The following ADK variants were observed in gnomAD, a reference collection of about 807,000 sequenced individuals.
ADK encodes the protein N6,N6-dimethyladenosine kinase.
Under a neutral mutation model 44.7 loss-of-function variants are expected in ADK, and 24 were observed. The observed-to-expected ratio is 0.54, with a 90% CI of 0.39 to 0.76. ADK has a LOEUF of 0.76. Ranked by LOEUF, ADK falls within the 30% of genes least tolerant of loss-of-function variation. ADK has a pLI of 0.00. For missense variants in ADK, 321 were observed against 425.1 expected (o/e 0.76, Z 2.15); for synonymous variants, 128 against 142.6 (o/e 0.90, Z 0.73).
intron 9 of ADK, among the ~76,000 whole-genome samples, chr10:74,634,394 A>G (rs919186963): frequency 1.3e-5 from 2 of 151,686 alleles, no homozygotes; most frequent in African/African-American, 2.4e-5. Context: ...TTGTTTTTCT[A>G]TTTTTAGTGG....
chr10:74,353,839 G>A (rs185584359), intron 4 of ADK, among the ~76,000 whole-genome samples: 5 of 152,154 alleles, frequency 3.3e-5, no homozygotes, highest in Admixed American at 2.6e-4. Flanking sequence ...CTGCACTCCA[G>A]CTCTGGCGAC....
intron 6 of ADK, among the ~76,000 whole-genome samples, chr10:74,480,363 G>A (rs898469743): frequency 2.0e-5 from 3 of 151,572 alleles, no homozygotes; most frequent in African/African-American, 7.3e-5. Context: ...TGAGTAGCTG[G>A]GACTACAGGC....
intron 8 of ADK, among the ~76,000 whole-genome samples, chr10:74,591,328 A>G (rs532370065): frequency 1.3e-5 from 2 of 152,230 alleles, no homozygotes; most frequent in South Asian, 4.2e-4. Flanking sequence ...ATACCTTATT[A>G]CCTCCTGACA....
At chr10:74,669,608 A>C (rs1855097710) in intron 9 of ADK, among the ~76,000 whole-genome samples, 1 of 152,212 alleles carries the variant, frequency 6.6e-6, no homozygotes. Context: ...AAACATAACC[A>C]GATTAGGTTA....
At chr10:74,286,035 C>T (rs1395922480) in intron 3 of ADK, among the ~76,000 whole-genome samples, 2 of 152,044 alleles carry the variant, frequency 1.3e-5, no homozygotes, top group Admixed American at 1.3e-4. Flanking sequence ...TAAATGATTT[C>T]CCATTTATTT....
chr10:74,381,913 TTATAAAGTG>T (rs1426142117), intron 4 of ADK, among the ~76,000 whole-genome samples: 1 of 152,194 alleles, frequency 6.6e-6, no homozygotes, highest in Non-Finnish European at 1.5e-5. Flanking sequence ...ATTTTGCTTT[TTATAAAGTG>T]TATACTAGAA....
At chr10:74,479,347 G>A (rs1173174125) in intron 6 of ADK, among the ~76,000 whole-genome samples, 2 of 149,458 alleles carry the variant, frequency 1.3e-5, no homozygotes, top group African/African-American at 4.9e-5. Flanking sequence ...ATTCCCACTG[G>A]CCTGGTTTAT....
At chr10:74,507,389 G>A (rs1231639582) in intron 6 of ADK, among the ~76,000 whole-genome samples, 1 of 152,100 alleles carries the variant, frequency 6.6e-6, no homozygotes, top group Non-Finnish European at 1.5e-5. Context: ...GAGGTGGACA[G>A]ATCGCTTGAG....
At chr10:74,501,295 A>T (rs1466266848) in intron 6 of ADK, among the ~76,000 whole-genome samples, 1 of 152,230 alleles carries the variant, frequency 6.6e-6, no homozygotes, top group Non-Finnish European at 1.5e-5. Flanking sequence ...TCAATTAGGT[A>T]CTTCAAGATC....
At chr10:74,250,469 T>C (rs1845607308) in intron 3 of ADK, among the ~76,000 whole-genome samples, 1 of 152,170 alleles carries the variant, frequency 6.6e-6, no homozygotes, top group African/African-American at 2.4e-5. Flanking sequence ...AAGAAGAAGC[T>C]ACAACGTAGG....
intron 6 of ADK, among the ~76,000 whole-genome samples, chr10:74,400,079 G>T (rs1418739127): frequency 1.3e-5 from 2 of 152,016 alleles, no homozygotes; most frequent in Admixed American, 6.6e-5. Flanking sequence ...GGTGAATGGA[G>T]TTTTACAGTA....
At chr10:74,377,588 G>A (rs1041413566) in intron 4 of ADK, among the ~76,000 whole-genome samples, 1 of 152,192 alleles carries the variant, frequency 6.6e-6, no homozygotes, top group African/African-American at 2.4e-5. Context: ...AAACTGACCA[G>A]TCCATGGTCA....
chr10:74,157,047 T>C (rs546904947), intron 1 of ADK, among the ~76,000 whole-genome samples: 2 of 152,332 alleles, frequency 1.3e-5, no homozygotes, highest in South Asian at 4.1e-4. Flanking sequence ...GAAAGAGGGC[T>C]GAAAACATCT....
intron 6 of ADK, among the ~76,000 whole-genome samples, chr10:74,502,655 C>T (rs1297663805): frequency 1.3e-5 from 2 of 152,224 alleles, no homozygotes; most frequent in Admixed American, 1.3e-4. Context: ...ATGACCTTGT[C>T]TTGTGATGAA....
chr10:74,705,262 C>T (rs1376803435), intron 10 of ADK, among the ~76,000 whole-genome samples: 2 of 131,314 alleles, frequency 1.5e-5, no homozygotes, highest in African/African-American at 6.0e-5. Flanking sequence ...ATTATCTGCT[C>T]TTCTGAGTAT....
intron 1 of ADK, among the ~76,000 whole-genome samples, chr10:74,186,190 T>TTC (rs1554826774): frequency 4.2e-4 from 60 of 143,540 alleles, no homozygotes; most frequent in Non-Finnish European, 7.2e-4. Flanking sequence ...GCCTTCCCTT[T>TTC]CCTTCCCTTC....
chr10:74,313,430 A>C (rs1053922374), intron 3 of ADK, among the ~76,000 whole-genome samples: 1 of 152,204 alleles, frequency 6.6e-6, no homozygotes, highest in African/African-American at 2.4e-5. Flanking sequence ...ATTTGAGTAC[A>C]TATTGAAAAT....
intron 10 of ADK, among the ~76,000 whole-genome samples, chr10:74,676,602 G>A (rs1372148414): frequency 2.6e-5 from 4 of 151,988 alleles, no homozygotes; most frequent in Non-Finnish European, 4.4e-5. Context: ...TCAGTCTCCC[G>A]AGTAGCTGGG....
intron 3 of ADK, among the ~76,000 whole-genome samples, chr10:74,278,382 A>C (rs928586912): frequency 2.0e-5 from 3 of 151,428 alleles, no homozygotes; most frequent in African/African-American, 4.8e-5. Context: ...AAAAAAAAAA[A>C]AAAACAACCC....
Sources: allele counts gnomAD v4.1 joint callset (sites outside exome capture counted in the v4.1 genomes callset), GRCh38; gene constraint gnomAD v4.1.1; transcripts MANE v1.5; gene names NCBI Gene and HGNC (gene_info 2026-07-23, HGNC 2026-07-21).